The following SRGAP1 variants were observed in gnomAD, a reference collection of about 807,000 sequenced individuals.
The protein encoded by SRGAP1 is SLIT-ROBO Rho GTPase activating protein 1.
In SRGAP1, 43 loss-of-function variants were observed where a neutral mutation model predicts 121.9. The ratio of observed to expected loss-of-function variants is 0.35; its 90% CI spans 0.28 to 0.46. SRGAP1 has a LOEUF of 0.46. Ranked by LOEUF, SRGAP1 falls within the 20% of genes least tolerant of loss-of-function variation. The pLI, the probability that SRGAP1 is intolerant of heterozygous loss-of-function variation, is 1.00. For synonymous variants in SRGAP1, 447 were observed against 485.4 expected (o/e 0.92, Z 1.04); for missense variants, 1,102 against 1,350.9 (o/e 0.82, Z 2.89).
intron 12 of SRGAP1, chr12:64,091,936 T>C: frequency 2.0e-6 from 3 of 1,534,916 alleles, no homozygotes; most frequent in Non-Finnish European, 1.7e-6. Flanking sequence ...GGTATAGTGC[T>C]AGAGGGACGT....
Position 63,846,535 on chromosome 12 carries a change from C to T in SRGAP1, c.67+1652C>T, listed in dbSNP as rs184446100. On this transcript the variant is annotated intron_variant, in intron 1 of 21. Coordinates refer to ENST00000355086, the MANE Select transcript of SRGAP1 (RefSeq NM_020762.4). Reference sequence around the variant, plus strand: ...GATCAAGTCCTTATTTGAAAATCAGCGAAATGGGATGTGTTGCAATGTGTC... The same window carrying T: ...GATCAAGTCCTTATTTGAAAATCAGTGAAATGGGATGTGTTGCAATGTGTC... 1.4e-4 allele frequency among the ~76,000 whole-genome samples: 21 copies of T among 152,300 alleles called. No homozygotes were observed. In the East Asian group the frequency reaches 2.1e-3, roughly 15 times the overall value.
intron 18 of SRGAP1, among the ~76,000 whole-genome samples, chr12:64,117,777 T>C (rs551832285): frequency 2.2e-4 from 33 of 152,320 alleles, no homozygotes; most frequent in African/African-American, 7.7e-4. Flanking sequence ...CCCCAGCCTC[T>C]GGCAACTACC....
intron 16 of SRGAP1, 74 bp from the exon 17 acceptor site, chr12:64,111,688 A>G (rs11175259): frequency 0.022 from 28,333 of 1,292,550 alleles, 400 homozygotes; most frequent in Non-Finnish European, 0.027. Flanking sequence ...GTATTGAAGT[A>G]TCTTGTTATT....
At chr12:63,864,203 G>C (rs965859774) in intron 1 of SRGAP1, among the ~76,000 whole-genome samples, 1 of 152,116 alleles carries the variant, frequency 6.6e-6, no homozygotes, top group Non-Finnish European at 1.5e-5. Context: ...TTTCTGTTTA[G>C]CATTTAATTC....
chr12:63,864,521 T>A (rs1353017710), intron 1 of SRGAP1, among the ~76,000 whole-genome samples: 3 of 152,194 alleles, frequency 2.0e-5, no homozygotes, highest in African/African-American at 4.8e-5. Context: ...ATGGGCAAAT[T>A]ACTTAATCTC....
chr12:64,086,969 G>C, intron 10 of SRGAP1, 30 bp from the exon 11 acceptor site: 17 of 1,570,202 alleles, frequency 1.1e-5, no homozygotes, highest in Non-Finnish European at 1.4e-5. Context: ...ATTCCTTTCA[G>C]TTTACTTACT....
chr12:64,000,682 A>G (rs1191148631), intron 3 of SRGAP1, among the ~76,000 whole-genome samples: 1 of 152,198 alleles, frequency 6.6e-6, no homozygotes. Context: ...TTAGGAGAGA[A>G]CAGGTGTAAT....
intron 1 of SRGAP1, among the ~76,000 whole-genome samples, chr12:63,892,956 C>T (rs944298073): frequency 1.3e-5 from 2 of 152,058 alleles, no homozygotes; most frequent in African/African-American, 4.8e-5. Context: ...GTTTGCTATG[C>T]CCTTGATTGC....
At chr12:63,997,726 A>C (rs1286416301) in intron 3 of SRGAP1, among the ~76,000 whole-genome samples, 2 of 152,150 alleles carry the variant, frequency 1.3e-5, no homozygotes, top group African/African-American at 4.8e-5. Context: ...AACCCTATCC[A>C]GTAAATAATT....
intron 1 of SRGAP1, among the ~76,000 whole-genome samples, chr12:63,964,773 A>G (rs976143880): frequency 6.6e-6 from 1 of 152,212 alleles, no homozygotes; most frequent in African/African-American, 2.4e-5. Flanking sequence ...TATTAAAATG[A>G]TGGTGTCTTC....
intron 3 of SRGAP1, among the ~76,000 whole-genome samples, chr12:64,012,645 T>C (rs186636275): frequency 1.4e-3 from 196 of 143,544 alleles, no homozygotes; most frequent in African/African-American, 5.1e-3. Flanking sequence ...CTCGAACTCT[T>C]AGGTTCAAGA....
rs554286904 is a variant in SRGAP1 at position 63,973,080 on chromosome 12, G to A, written c.68-10867G>A. Among the ~76,000 whole-genome samples, 66 of 152,246 alleles carry A rather than the reference G, an allele frequency of 4.3e-4. No homozygotes were observed. In the South Asian group the frequency reaches 6.6e-3, roughly 15 times the overall value. On this transcript the variant is annotated intron_variant, in intron 1 of 21. Transcript: ENST00000355086. ...GGAGAATTGCTTGAACCCGGGAGGC[G>A]GAGGTTACAGTGAGCCAAGATCGCG...
At chr12:63,967,326 C>T (rs2032817160) in intron 1 of SRGAP1, among the ~76,000 whole-genome samples, 2 of 152,134 alleles carry the variant, frequency 1.3e-5, no homozygotes, top group South Asian at 2.1e-4. Flanking sequence ...CCTATAGTCC[C>T]AGTTACTCGG....
intron 6 of SRGAP1, among the ~76,000 whole-genome samples, chr12:64,062,241 T>C (rs775652093): frequency 2.0e-5 from 3 of 152,212 alleles, no homozygotes; most frequent in Non-Finnish European, 4.4e-5. Context: ...AAGTGGTATC[T>C]CATTGTGGTT....
At chr12:63,870,652 G>C (rs1899820801) in intron 1 of SRGAP1, among the ~76,000 whole-genome samples, 1 of 150,308 alleles carries the variant, frequency 6.7e-6, no homozygotes, top group Non-Finnish European at 1.5e-5. Context: ...TGATTCTCCT[G>C]CGTCAACCTC....
chr12:64,156,418 T>C lies in SRGAP1; in HGVS notation c.*13746T>C, dbSNP rs1305789445. ...ATGATATTCTATCCCATTTCCAGTG[T>C]TTTTGCTCTTTTAGTAGCAAATACT... On this transcript the variant is annotated 3_prime_UTR_variant, in exon 22 of 22. Transcript: ENST00000355086. 2.0e-5 allele frequency: 3 copies of C among 152,236 alleles called. No individual in the cohort carries two copies. 9.4% of individuals were successfully genotyped at this position (152,236 alleles called of 1,614,324 possible).
chr12:64,097,469 C>T, intron 15 of SRGAP1, 94 bp downstream of exon 15: 1 of 1,177,002 alleles, frequency 8.5e-7, no homozygotes, highest in Non-Finnish European at 1.2e-6. Context: ...ACACCCCCAC[C>T]CCCATTACCC....
At chr12:63,961,710 T>C (rs1010149747) in intron 1 of SRGAP1, among the ~76,000 whole-genome samples, 8 of 152,190 alleles carry the variant, frequency 5.3e-5, no homozygotes, top group African/African-American at 1.4e-4. Context: ...GTATGAGTAC[T>C]AGAATTCCAC....
intron 1 of SRGAP1, among the ~76,000 whole-genome samples, chr12:63,953,399 A>ATTTTTTTTTTTTTTTTTTTTTTTG (rs34352334): frequency 8.7e-6 from 1 of 114,702 alleles, no homozygotes. Flanking sequence ...TTCTTGATTG[A>ATTTTTTTTTTTTTTTTTTTTTTTG]TTTTTTTTTT....
Sources: gnomAD v4.1 joint callset for allele counts (sites outside exome capture counted in the v4.1 genomes callset) on GRCh38, gnomAD v4.1.1 for gene constraint, MANE v1.5 for transcripts, NCBI Gene and HGNC (gene_info 2026-07-23, HGNC 2026-07-21) for gene names.